BMPR1A: variants seen among roughly 807,000 people sequenced by gnomAD.
BMPR1A encodes bone morphogenetic protein receptor type 1A, also known as bone morphogenetic protein receptor type-1A.
Under a neutral mutation model 66.0 loss-of-function variants are expected in BMPR1A, and 7 were observed. The observed-to-expected ratio is 0.11, with a 90% CI of 0.06 to 0.20. The LOEUF is 0.20. BMPR1A is among the 10% of genes least tolerant of loss of function. BMPR1A has a pLI of 1.00. For missense variants in BMPR1A, 408 were observed against 669.1 expected (o/e 0.61, Z 4.31); for synonymous variants, 200 against 229.7 (o/e 0.87, Z 1.17).
chr10:86,853,782 G>A (rs1403946824), intron 2 of BMPR1A, among the ~76,000 whole-genome samples: 1 of 152,202 alleles, frequency 6.6e-6, no homozygotes, highest in East Asian at 1.9e-4. Flanking sequence ...GTGGGTCACA[G>A]AGATCACGTG....
At chr10:86,883,885 T>C (rs1011050500) in intron 3 of BMPR1A, among the ~76,000 whole-genome samples, 2 of 151,658 alleles carry the variant, frequency 1.3e-5, no homozygotes, top group African/African-American at 4.8e-5. Flanking sequence ...TTTTTTTTTT[T>C]TTCTATTTGA....
chr10:86,831,342 A>G (rs1431067804), intron 1 of BMPR1A, among the ~76,000 whole-genome samples: 2 of 152,166 alleles, frequency 1.3e-5, no homozygotes, highest in African/African-American at 2.4e-5. Flanking sequence ...TTTTATGTCT[A>G]TATAAAAAGA....
chr10:86,923,353 C>T (rs771362778), intron 11 of BMPR1A, 23 bp from the exon 12 acceptor site: 3 of 1,613,756 alleles, frequency 1.9e-6, no homozygotes, highest in East Asian at 2.2e-5. Context: ...TTTTTGTGCC[C>T]ATGTTTTCTC....
chr10:86,764,690 CGTAAATAT>C (rs1841135488), intron 1 of BMPR1A, among the ~76,000 whole-genome samples: 2 of 152,140 alleles, frequency 1.3e-5, no homozygotes, highest in African/African-American at 4.8e-5. Context: ...GCCTAAGTCA[CGTAAATAT>C]CCGATTCAGG....
intron 5 of BMPR1A, among the ~76,000 whole-genome samples, chr10:86,899,496 A>G (rs1843274502): frequency 6.6e-6 from 1 of 152,204 alleles, no homozygotes; most frequent in African/African-American, 2.4e-5. Context: ...ACATCTCAGT[A>G]CCACAGTGAG....
intron 1 of BMPR1A, among the ~76,000 whole-genome samples, chr10:86,779,979 CATT>C (rs1204266174): frequency 6.6e-6 from 1 of 152,156 alleles, no homozygotes. Flanking sequence ...GATCCTAACT[CATT>C]ATAACCTTGA....
intron 2 of BMPR1A, among the ~76,000 whole-genome samples, chr10:86,856,742 CCAA>C (rs909115433): frequency 6.6e-6 from 1 of 152,108 alleles, no homozygotes; most frequent in African/African-American, 2.4e-5. Context: ...GGTGCAGTTC[CCAA>C]CGAGACTGCC....
chr10:86,839,957 C>G (rs1206404974), intron 2 of BMPR1A, among the ~76,000 whole-genome samples: 1 of 152,082 alleles, frequency 6.6e-6, no homozygotes, highest in African/African-American at 2.4e-5. Flanking sequence ...CTACCAGACC[C>G]AGCCCAGGAT....
chr10:86,900,654 T>C (rs560431033), intron 7 of BMPR1A, among the ~76,000 whole-genome samples: 3 of 152,248 alleles, frequency 2.0e-5, no homozygotes, highest in African/African-American at 7.2e-5. Flanking sequence ...ATTTAGCATA[T>C]AATAAAGGAA....
At chr10:86,875,579 TAATAA>T (rs1218704461) in intron 2 of BMPR1A, among the ~76,000 whole-genome samples, 6 of 152,142 alleles carry the variant, frequency 3.9e-5, no homozygotes, top group African/African-American at 1.4e-4. Context: ...TTCATGTTAT[TAATAA>T]AATAATTAGA....
At chr10:86,806,303 G>A (rs1335998051) in intron 1 of BMPR1A, among the ~76,000 whole-genome samples, 2 of 152,132 alleles carry the variant, frequency 1.3e-5, no homozygotes, top group African/African-American at 2.4e-5. Context: ...TAAGCAGTCT[G>A]TGGGGAGAAA....
chr10:86,853,259 C>T (rs1365150235), intron 2 of BMPR1A, among the ~76,000 whole-genome samples: 1 of 151,216 alleles, frequency 6.6e-6, no homozygotes, highest in Non-Finnish European at 1.5e-5. Flanking sequence ...TTCATATATT[C>T]AGAGATAAGC....
rs878854668 is a variant in BMPR1A, at chr10:86,900,101, A to T, written c.505A>T (p.Ile169Phe). ...GGCTGTCTGCATAATTGCTATGATC[A>T]TCTTCTCCAGCTGCTTTTGTTACAA... Reference protein sequence around the residue: ...SMAVCIIAMIIFSSCFCYKHY... With the variant: ...SMAVCIIAMIFFSSCFCYKHY... Residue 169 changes from isoleucine to phenylalanine, a missense_variant, in exon 7 of 13, where the codon ATC becomes TTC. Coordinates refer to ENST00000372037, the MANE Select transcript of BMPR1A (RefSeq NM_004329.3). 2.5e-6 allele frequency: 4 copies of T among 1,613,920 alleles called. No homozygotes were observed. The highest frequency in any genetic ancestry group is 3.4e-6 in the Non-Finnish European group (4 of 1,180,008).
intron 2 of BMPR1A, among the ~76,000 whole-genome samples, chr10:86,857,112 T>C (rs1842652486): frequency 6.6e-6 from 1 of 151,538 alleles, no homozygotes; most frequent in African/African-American, 2.4e-5. Context: ...AATGGAATAA[T>C]TGGCCATGTG....
chr10:86,796,233 A>T (rs1270569154), intron 1 of BMPR1A, among the ~76,000 whole-genome samples: 1 of 152,076 alleles, frequency 6.6e-6, no homozygotes, highest in Non-Finnish European at 1.5e-5. Flanking sequence ...TTGGTTATTA[A>T]AGTTTAAATG....
intron 2 of BMPR1A, among the ~76,000 whole-genome samples, chr10:86,862,978 CTTT>C (rs11405359): frequency 7.1e-6 from 1 of 139,872 alleles, no homozygotes. Flanking sequence ...TTTGAGCTGC[CTTT>C]TTTTTTTTTT....
intron 2 of BMPR1A, among the ~76,000 whole-genome samples, chr10:86,867,098 C>G (rs1419680824): frequency 6.6e-6 from 1 of 152,184 alleles, no homozygotes; most frequent in African/African-American, 2.4e-5. Context: ...AGACTCTGAA[C>G]TCTTTACCAC....
At chr10:86,886,003 A>G (rs1843062553) in intron 3 of BMPR1A, among the ~76,000 whole-genome samples, 1 of 152,096 alleles carries the variant, frequency 6.6e-6, no homozygotes, top group African/African-American at 2.4e-5. Context: ...CTTTGTATGT[A>G]TATGTTTTCA....
chr10:86,836,049 T>TA (rs1842341800), intron 1 of BMPR1A, among the ~76,000 whole-genome samples: 2 of 152,260 alleles, frequency 1.3e-5, no homozygotes, highest in African/African-American at 4.8e-5. Context: ...TTTCTACAAC[T>TA]AATAGGCTTA....
Sources: allele counts gnomAD v4.1 joint callset (sites outside exome capture counted in the v4.1 genomes callset), GRCh38; gene constraint gnomAD v4.1.1; transcripts MANE v1.5; gene names NCBI Gene and HGNC (gene_info 2026-07-23, HGNC 2026-07-21).